EDIL3: variants seen among roughly 807,000 people sequenced by gnomAD.
EDIL3 encodes the protein EGF-like repeat and discoidin I-like domain-containing protein 3.
A neutral mutation model predicts 67.4 loss-of-function variants in EDIL3; 37 were observed. The observed-to-expected ratio is 0.55, with a 90% CI of 0.42 to 0.72. EDIL3 has a LOEUF of 0.72. Ranked by LOEUF, EDIL3 falls within the 30% of genes least tolerant of loss-of-function variation. EDIL3 has a pLI of 0.00. For synonymous variants in EDIL3, 195 were observed against 196.3 expected, an observed-to-expected ratio of 0.99 and a Z score of 0.05; for missense variants, 527 against 586.3, an observed-to-expected ratio of 0.90 and a Z score of 1.04.
At chr5:84,330,996 T>G (rs1262682180) in intron 1 of EDIL3, among the ~76,000 whole-genome samples, 1 of 152,208 alleles carries the variant, frequency 6.6e-6, no homozygotes, top group Non-Finnish European at 1.5e-5. Flanking sequence ...GAAGATCATT[T>G]TGGAACTTTA....
chr5:84,384,135 A>G (rs1275155640), intron 1 of EDIL3, among the ~76,000 whole-genome samples, 173 bp downstream of exon 1: 1 of 151,984 alleles, frequency 6.6e-6, no homozygotes, highest in East Asian at 2.0e-4. Flanking sequence ...CACTCTGCTC[A>G]GACTTTACAA....
chr5:83,987,246 A>G (rs1028023823), intron 9 of EDIL3, among the ~76,000 whole-genome samples: 4 of 152,098 alleles, frequency 2.6e-5, no homozygotes, highest in Non-Finnish European at 4.4e-5. Flanking sequence ...CCATTTGCAA[A>G]TAGCTTGGTT....
At chr5:83,973,340 G>A (rs1744824092) in intron 9 of EDIL3, among the ~76,000 whole-genome samples, 1 of 151,998 alleles carries the variant, frequency 6.6e-6, no homozygotes, top group Non-Finnish European at 1.5e-5. Flanking sequence ...AGATTTTTCA[G>A]GTACTTTAAT....
chr5:84,120,793 T>C, intron 5 of EDIL3, among the ~76,000 whole-genome samples: 1 of 151,930 alleles, frequency 6.6e-6, no homozygotes, highest in East Asian at 1.9e-4. Context: ...CATGAAGACA[T>C]GGGCTGAGTA....
intron 6 of EDIL3, among the ~76,000 whole-genome samples, chr5:84,077,962 T>C (rs1439109748): frequency 7.0e-6 from 1 of 143,808 alleles, no homozygotes; most frequent in African/African-American, 2.6e-5. Context: ...ATCTTCACTA[T>C]TAAAGAAATG....
rs16900941 is a variant in EDIL3 at position 84,165,408 on chromosome 5, A to T, written c.355+14985T>A. ...ATCTTCTACCTGTGTTTTACCTTTT[A>T]CTTGTGACTACCGTTTCTCAAGGCA... On this transcript the variant is annotated intron_variant, in intron 4 of 10. Coordinates refer to ENST00000296591, the MANE Select transcript of EDIL3 (RefSeq NM_005711.5). Among the ~76,000 whole-genome samples the T allele has an allele frequency of 9.7e-3, 1,482 of 152,190 alleles. 24 individuals carry two copies. The highest frequency in any genetic ancestry group is 0.034 in the African/African-American group (1,427 of 41,540).
intron 9 of EDIL3, among the ~76,000 whole-genome samples, chr5:83,973,213 T>TA (rs1163672886): frequency 6.6e-6 from 1 of 152,000 alleles, no homozygotes; most frequent in Non-Finnish European, 1.5e-5. Flanking sequence ...ATTACATGAA[T>TA]AAAAAATTCA....
chr5:84,070,026 C>A (rs1181362521), intron 6 of EDIL3, among the ~76,000 whole-genome samples: 1 of 151,894 alleles, frequency 6.6e-6, no homozygotes, highest in Admixed American at 6.6e-5. Flanking sequence ...ATGTGGATAC[C>A]AAGGGGAATT....
intron 9 of EDIL3, among the ~76,000 whole-genome samples, chr5:84,019,560 A>T (rs1405062155): frequency 6.6e-6 from 1 of 152,030 alleles, no homozygotes; most frequent in African/African-American, 2.4e-5. Context: ...AAAAAAATAA[A>T]ATAAAAATAA....
chr5:84,029,135 T>C (rs1458917062), intron 9 of EDIL3, among the ~76,000 whole-genome samples: 3 of 152,152 alleles, frequency 2.0e-5, no homozygotes, highest in Admixed American at 6.5e-5. Context: ...CAGGTGCCTG[T>C]AGTCCCAGCT....
intron 3 of EDIL3, among the ~76,000 whole-genome samples, chr5:84,213,819 T>A (rs1209993755): frequency 1.3e-5 from 2 of 152,196 alleles, no homozygotes; most frequent in Non-Finnish European, 2.9e-5. Flanking sequence ...AAAAATTCTG[T>A]CCACGTAATC....
At chr5:84,135,402 T>G (rs1748073777) in intron 5 of EDIL3, among the ~76,000 whole-genome samples, 1 of 152,206 alleles carries the variant, frequency 6.6e-6, no homozygotes. Context: ...AGGTTCTCTA[T>G]TCAGGTACAA....
At chr5:84,281,198 T>A (rs1745693025) in intron 1 of EDIL3, among the ~76,000 whole-genome samples, 1 of 152,202 alleles carries the variant, frequency 6.6e-6, no homozygotes, top group Admixed American at 6.5e-5. Context: ...CAATTCTATT[T>A]CTTACCTTTA....
intron 6 of EDIL3, among the ~76,000 whole-genome samples, chr5:84,084,943 A>G (rs75209722): frequency 0.014 from 2,203 of 152,332 alleles, 49 homozygotes; most frequent in African/African-American, 0.05. Context: ...AGTTCAATTA[A>G]AAAAATTCAC....
At chr5:83,952,959 G>A (rs563669894) in intron 10 of EDIL3, among the ~76,000 whole-genome samples, 1 of 151,922 alleles carries the variant, frequency 6.6e-6, no homozygotes, top group East Asian at 2.0e-4. Context: ...GACTCATGAT[G>A]AGGGGAAAAG....
intron 9 of EDIL3, among the ~76,000 whole-genome samples, chr5:84,034,822 A>G (rs1250762712): frequency 6.6e-6 from 1 of 152,086 alleles, no homozygotes; most frequent in Non-Finnish European, 1.5e-5. Flanking sequence ...CTAGTTTGGT[A>G]TTTTACCTCC....
At chr5:84,051,181 C>T (rs1411684934) in intron 9 of EDIL3, among the ~76,000 whole-genome samples, 2 of 152,220 alleles carry the variant, frequency 1.3e-5, no homozygotes, top group African/African-American at 2.4e-5. Context: ...GCAGCCTCCG[C>T]TGCTGATACC....
At chr5:84,183,818 G>C (rs1749055976) in intron 3 of EDIL3, among the ~76,000 whole-genome samples, 1 of 152,102 alleles carries the variant, frequency 6.6e-6, no homozygotes, top group African/African-American at 2.4e-5. Flanking sequence ...TTAAAACAGT[G>C]ATTCTGGGCA....
At chr5:84,227,309 G>A (rs555323647) in intron 3 of EDIL3, among the ~76,000 whole-genome samples, 7 of 151,954 alleles carry the variant, frequency 4.6e-5, no homozygotes, top group South Asian at 2.1e-4. Flanking sequence ...AGATATACAA[G>A]AAGCCAACAA....
Sources: gnomAD v4.1 joint callset for allele counts (sites outside exome capture counted in the v4.1 genomes callset) on GRCh38, gnomAD v4.1.1 for gene constraint, MANE v1.5 for transcripts, NCBI Gene and HGNC (gene_info 2026-07-23, HGNC 2026-07-21) for gene names.